The following PTPRM variants were observed in gnomAD, a reference collection of about 807,000 sequenced individuals.
PTPRM encodes protein tyrosine phosphatase receptor type M, also known as receptor-type tyrosine-protein phosphatase mu.
Under a neutral mutation model 186.7 loss-of-function variants are expected in PTPRM, and 47 were observed. That is an observed-to-expected ratio of 0.25 (90% confidence interval 0.20 to 0.32). The LOEUF is 0.32. Among genes scored for constraint, PTPRM ranks in the 10% least tolerant of loss-of-function variants. The pLI, the probability that PTPRM is intolerant of heterozygous loss-of-function variation, is 1.00. For missense variants in PTPRM, 1,494 were observed against 1,865.0 expected (o/e 0.80, Z 3.66); for synonymous variants, 668 against 674.9 (o/e 0.99, Z 0.16).
chr18:7,750,151 A>G (rs975231560), intron 1 of PTPRM, among the ~76,000 whole-genome samples: 1 of 152,094 alleles, frequency 6.6e-6, no homozygotes, highest in Non-Finnish European at 1.5e-5. Context: ...ACTAAAGGAT[A>G]TTTTTCTCTG....
At chr18:7,828,802 A>G (rs1388274110) in intron 2 of PTPRM, among the ~76,000 whole-genome samples, 2 of 152,208 alleles carry the variant, frequency 1.3e-5, no homozygotes, top group Non-Finnish European at 1.5e-5. Context: ...CTGATATAGT[A>G]CCTGTGCTGC....
chr18:8,282,829 A>G (rs1447440932), intron 19 of PTPRM, among the ~76,000 whole-genome samples: 1 of 152,210 alleles, frequency 6.6e-6, no homozygotes, highest in East Asian at 1.9e-4. Context: ...GGAAACAGTC[A>G]AATTGCTCTT....
rs71354570 is a variant in PTPRM at position 7,816,975 on chromosome 18, A to ATTTT, written c.196+42718_196+42721dup. On this transcript the variant is annotated intron_variant, in intron 2 of 32. Transcript: ENST00000580170. The stretch of plus-strand genomic sequence containing the variant: ...TTTATTTTTTCTAGTTAGTTAATTA[A>ATTTT]TTTTTTTTTTTTTTTTTGAGATGGG... 4.1e-4 allele frequency among the ~76,000 whole-genome samples: 57 copies of ATTTT among 138,610 alleles called. 2 individuals are homozygous for ATTTT. The highest frequency in any genetic ancestry group is 1.4e-3 in the African/African-American group (51 of 37,030). 90.9% of individuals were successfully genotyped at this position (138,610 alleles called of 152,430 possible). A position where few individuals can be genotyped will look rare whatever the true frequency, so the allele number is the denominator to read the frequency against.
chr18:8,319,011 C>T (rs1419889552), intron 21 of PTPRM, among the ~76,000 whole-genome samples, 167 bp from the exon 22 acceptor site: 1 of 152,226 alleles, frequency 6.6e-6, no homozygotes, highest in Non-Finnish European at 1.5e-5. Flanking sequence ...TTTGATGCGC[C>T]TTCACTAATT....
chr18:7,718,221 T>C (rs1255865939), intron 1 of PTPRM, among the ~76,000 whole-genome samples: 3 of 151,982 alleles, frequency 2.0e-5, no homozygotes, highest in African/African-American at 7.3e-5. Flanking sequence ...AATAGACACA[T>C]AGAACAATGA....
chr18:8,129,898 A>C (rs1349565857), intron 13 of PTPRM, among the ~76,000 whole-genome samples: 3 of 152,216 alleles, frequency 2.0e-5, no homozygotes, highest in Non-Finnish European at 4.4e-5. Context: ...GGGAGAAGTC[A>C]GGCTGGTGAA....
At chr18:8,355,633 A>G (rs1260477325) in intron 23 of PTPRM, among the ~76,000 whole-genome samples, 4 of 152,232 alleles carry the variant, frequency 2.6e-5, no homozygotes, top group African/African-American at 7.2e-5. Context: ...AACAATCAGC[A>G]TCTGACTTAA....
chr18:8,144,242 C>A (rs117701503), intron 14 of PTPRM, among the ~76,000 whole-genome samples: 1,537 of 152,202 alleles, frequency 0.01, 14 homozygotes, highest in Non-Finnish European at 0.016. Context: ...GCACAACATC[C>A]ATGAGAAAGA....
chr18:8,016,952 C>G (rs2084907251), intron 7 of PTPRM, among the ~76,000 whole-genome samples: 1 of 152,188 alleles, frequency 6.6e-6, no homozygotes, highest in African/African-American at 2.4e-5. Context: ...TGGTTTCTCT[C>G]TGGTTCCAAC....
At chr18:7,903,283 G>C (rs979443473) in intron 3 of PTPRM, among the ~76,000 whole-genome samples, 2 of 152,178 alleles carry the variant, frequency 1.3e-5, no homozygotes, top group South Asian at 2.1e-4. Context: ...ACATTTCTGC[G>C]TTTGGTTTTC....
chr18:8,362,475 C>G (rs1175393236), intron 23 of PTPRM, among the ~76,000 whole-genome samples: 1 of 152,156 alleles, frequency 6.6e-6, no homozygotes, highest in Non-Finnish European at 1.5e-5. Flanking sequence ...AGAAGGGCCT[C>G]AGAAGCAGCT....
intron 7 of PTPRM, among the ~76,000 whole-genome samples, chr18:8,029,076 G>C (rs183363702): frequency 2.0e-5 from 3 of 152,336 alleles, no homozygotes; most frequent in Admixed American, 2.0e-4. Context: ...CATGGAGGCT[G>C]TGGTAACTTC....
intron 3 of PTPRM, among the ~76,000 whole-genome samples, chr18:7,903,069 A>T (rs2049786257): frequency 6.6e-6 from 1 of 152,216 alleles, no homozygotes; most frequent in South Asian, 2.1e-4. Flanking sequence ...AAGCAAAATA[A>T]AATTTCAATA....
chr18:7,720,567 T>C (rs978662293), intron 1 of PTPRM, among the ~76,000 whole-genome samples: 10 of 152,196 alleles, frequency 6.6e-5, no homozygotes, highest in Non-Finnish European at 1.0e-4. Context: ...CATATTGTTG[T>C]GCAACCATTC....
At chr18:7,712,096 C>T (rs909994651) in intron 1 of PTPRM, among the ~76,000 whole-genome samples, 3 of 152,182 alleles carry the variant, frequency 2.0e-5, no homozygotes, top group Non-Finnish European at 4.4e-5. Flanking sequence ...CCAACAGACA[C>T]CTCATACAGG....
Position 8,340,835 on chromosome 18 carries a change from T to C in PTPRM, c.2957-2588T>C, listed in dbSNP as rs913646826. On this transcript the variant is annotated intron_variant, in intron 22 of 32. Transcript: ENST00000580170. ...CAGACCCACCTCCACCCCAACCCAG[T>C]TCAGTCAGAGTCTCTTGGGTTAGGA... is the stretch of plus-strand genomic sequence containing the variant. Among the ~76,000 whole-genome samples the C allele has an allele frequency of 3.3e-5, 5 of 152,304 alleles. 1 individual carries two copies. The highest frequency in any genetic ancestry group is 2.6e-4 in the Admixed American group (4 of 15,296).
At chr18:7,802,165 CT>C (rs1460930872) in intron 2 of PTPRM, among the ~76,000 whole-genome samples, 2 of 152,132 alleles carry the variant, frequency 1.3e-5, no homozygotes, top group Non-Finnish European at 2.9e-5. Context: ...TCACTTGCCA[CT>C]TGTTTCCTGA....
intron 7 of PTPRM, among the ~76,000 whole-genome samples, chr18:8,053,412 T>C (rs968202032): frequency 1.3e-5 from 2 of 152,128 alleles, no homozygotes; most frequent in African/African-American, 2.4e-5. Context: ...TTTTTGTATA[T>C]GATACAGAGT....
At chr18:7,913,891 A>G (rs1360791553) in intron 4 of PTPRM, among the ~76,000 whole-genome samples, 1 of 152,204 alleles carries the variant, frequency 6.6e-6, no homozygotes, top group Admixed American at 6.5e-5. Flanking sequence ...TACAAAATCC[A>G]AGACTGTCCT....
Sources: allele counts gnomAD v4.1 joint callset (sites outside exome capture counted in the v4.1 genomes callset), GRCh38; gene constraint gnomAD v4.1.1; transcripts MANE v1.5; gene names NCBI Gene and HGNC (gene_info 2026-07-23, HGNC 2026-07-21).